PSD3: variants seen among roughly 807,000 people sequenced by gnomAD.
The protein encoded by PSD3 is pleckstrin and Sec7 domain containing 3.
PSD3 carries 49 observed loss-of-function variants against 105.5 expected under a neutral mutation model. The ratio of observed to expected loss-of-function variants is 0.46; its 90% CI spans 0.37 to 0.59. PSD3 has a LOEUF of 0.59. Ranked by LOEUF, PSD3 falls within the 20% of genes least tolerant of loss-of-function variation. The probability of loss-of-function intolerance (pLI) is 0.00; values close to 1 mark genes in which losing one functional copy is unlikely to be tolerated. For synonymous variants in PSD3, 557 were observed against 457.8 expected, an observed-to-expected ratio of 1.22 and a Z score of -2.77; for missense variants, 1,561 against 1,263.8, an observed-to-expected ratio of 1.24 and a Z score of -3.57.
chr8:18,614,219 A>T (rs995816997), intron 11 of PSD3, among the ~76,000 whole-genome samples: 2 of 152,096 alleles, frequency 1.3e-5, no homozygotes, highest in African/African-American at 4.8e-5. Flanking sequence ...GGGTCAGTTA[A>T]CAGCTGTGTA....
chr8:18,851,635 C>T (rs1353554266), intron 4 of PSD3, among the ~76,000 whole-genome samples: 2 of 152,228 alleles, frequency 1.3e-5, no homozygotes, highest in African/African-American at 4.8e-5. Context: ...GCTGTGCAGG[C>T]GGTTCCCATC....
chr8:18,690,278 G>A lies in PSD3; in HGVS notation c.2173-34593C>T, dbSNP rs187614562. On this transcript the variant is annotated intron_variant, in intron 9 of 15. Transcript: ENST00000327040. ...CCTTGACCTGGCAGGAGTGAGGTAC[G>A]CAACCTTTCGTTCTCTGAGTGCTAT... Among the ~76,000 whole-genome samples, 189 of 152,264 alleles carry A rather than the reference G, an allele frequency of 1.2e-3. 1 individual carries two copies. Among genetic ancestry groups the A allele is most frequent in the African/African-American group, 4.3e-3 (180 of 41,556 alleles).
chr8:18,660,012 T>A (rs1216455822), intron 9 of PSD3, among the ~76,000 whole-genome samples: 1 of 152,180 alleles, frequency 6.6e-6, no homozygotes, highest in Admixed American at 6.5e-5. Context: ...AGTGAAGCGA[T>A]AACTCACTGT....
intron 9 of PSD3, among the ~76,000 whole-genome samples, chr8:18,749,334 T>G (rs144084150): frequency 6.6e-6 from 1 of 152,208 alleles, no homozygotes. Flanking sequence ...TACGTTTCAA[T>G]AGACGACAAG....
intron 1 of PSD3, among the ~76,000 whole-genome samples, chr8:18,970,094 G>C (rs1320516031): frequency 4.6e-5 from 7 of 151,862 alleles, no homozygotes; most frequent in African/African-American, 1.7e-4. Context: ...GGGAGGCCAA[G>C]TTGGGCGGAT....
intron 2 of PSD3, among the ~76,000 whole-genome samples, chr8:18,909,059 T>C (rs1820032032): frequency 6.6e-6 from 1 of 152,226 alleles, no homozygotes; most frequent in African/African-American, 2.4e-5. Context: ...AAGTTCACTA[T>C]GACAATTGTT....
intron 9 of PSD3, among the ~76,000 whole-genome samples, chr8:18,697,917 A>G (rs1801349485): frequency 6.6e-6 from 1 of 152,222 alleles, no homozygotes; most frequent in South Asian, 2.1e-4. Flanking sequence ...TAATTTATCT[A>G]TTGTGGAAAG....
chr8:18,708,112 G>A (rs966045881), intron 9 of PSD3, among the ~76,000 whole-genome samples: 3 of 152,152 alleles, frequency 2.0e-5, no homozygotes, highest in Non-Finnish European at 4.4e-5. Flanking sequence ...AGGGGAGAAA[G>A]GGAAAACAGA....
intron 15 of PSD3, among the ~76,000 whole-genome samples, chr8:18,537,821 C>T (rs554921462): frequency 4.6e-5 from 7 of 152,228 alleles, no homozygotes; most frequent in East Asian, 1.9e-4. Context: ...GGATTACAGG[C>T]GCACACCACC....
At chr8:18,683,816 C>T (rs1186056992) in intron 9 of PSD3, 2 of 765,350 alleles carry the variant, frequency 2.6e-6, no homozygotes, top group Non-Finnish European at 4.8e-6. Context: ...TGGAAATTTT[C>T]ATGGACTTTG....
intron 4 of PSD3, among the ~76,000 whole-genome samples, chr8:18,825,011 T>C (rs185633436): frequency 1.3e-3 from 199 of 152,322 alleles, no homozygotes; most frequent in South Asian, 2.7e-3. Flanking sequence ...ATACAATGTT[T>C]TAACTTTCCA....
intron 9 of PSD3, among the ~76,000 whole-genome samples, chr8:18,660,820 T>G (rs998663779): frequency 1.3e-5 from 2 of 152,206 alleles, no homozygotes; most frequent in Admixed American, 1.3e-4. Flanking sequence ...CAGATCACAA[T>G]CACATACCTC....
intron 1 of PSD3, among the ~76,000 whole-genome samples, chr8:19,028,299 C>CCCCTT (rs1563517980): frequency 1.0e-5 from 1 of 96,182 alleles, no homozygotes; most frequent in African/African-American, 4.2e-5. Flanking sequence ...CCGGCCCACC[C>CCCCTT]TTTTTTTTTT....
At chr8:18,625,998 T>G (rs1806446793) in intron 11 of PSD3, among the ~76,000 whole-genome samples, 1 of 152,150 alleles carries the variant, frequency 6.6e-6, no homozygotes, top group Non-Finnish European at 1.5e-5. Context: ...TACTGAATTT[T>G]GTTTTTTATT....
chr8:19,015,072 G>GT (rs1827133641), upstream of PSD3, among the ~76,000 whole-genome samples: 1 of 152,146 alleles, frequency 6.6e-6, no homozygotes, highest in African/African-American at 2.4e-5. Context: ...ATCTTGAATT[G>GT]TAAGTCCCGC....
At chr8:18,577,689 T>C (rs1384619130) in intron 12 of PSD3, among the ~76,000 whole-genome samples, 1 of 152,114 alleles carries the variant, frequency 6.6e-6, no homozygotes, top group African/African-American at 2.4e-5. Context: ...TCTGTTTATC[T>C]ATTCCTCACC....
chr8:18,887,169 G>A (rs917425634), intron 2 of PSD3: 1 of 152,144 alleles, frequency 6.6e-6, no homozygotes, highest in African/African-American at 2.4e-5. Context: ...AAAGAGATGG[G>A]TAGGTTCTCT....
chr8:18,814,508 T>C (rs567307682), intron 4 of PSD3, among the ~76,000 whole-genome samples: 2 of 152,348 alleles, frequency 1.3e-5, no homozygotes, highest in South Asian at 2.1e-4. Context: ...TATTTATTTA[T>C]TTTCCTATAC....
intron 1 of PSD3, among the ~76,000 whole-genome samples, chr8:18,938,371 T>C (rs747330088): frequency 1.4e-4 from 21 of 151,788 alleles, no homozygotes; most frequent in Non-Finnish European, 2.4e-4. Context: ...CCTTTAATCT[T>C]AGCACTCTGG....
Sources: gnomAD v4.1 joint callset for allele counts (sites outside exome capture counted in the v4.1 genomes callset) on GRCh38, gnomAD v4.1.1 for gene constraint, MANE v1.5 for transcripts, NCBI Gene and HGNC (gene_info 2026-07-23, HGNC 2026-07-21) for gene names.